FARS2: variants seen among roughly 807,000 people sequenced by gnomAD.
FARS2 encodes phenylalanyl-tRNA synthetase 2, mitochondrial.
A neutral mutation model predicts 46.4 loss-of-function variants in FARS2; 40 were observed. The observed-to-expected ratio is 0.86, with a 90% CI of 0.67 to 1.12. The LOEUF (loss-of-function observed/expected upper bound fraction) is 1.12, where lower values mean the gene tolerates loss of function less well. Among genes scored for constraint, FARS2 ranks in the 50% most tolerant of loss-of-function variants. The pLI is 0.00. For missense variants in FARS2, 513 were observed against 567.9 expected (o/e 0.90, Z 0.98); for synonymous variants, 234 against 214.9 (o/e 1.09, Z -0.78).
At chr6:5,713,881 T>A (rs1332118601) in intron 6 of FARS2, among the ~76,000 whole-genome samples, 1 of 152,230 alleles carries the variant, frequency 6.6e-6, no homozygotes, top group Admixed American at 6.5e-5. Context: ...CTTGCTCTAC[T>A]GTGTTCTCCA....
In FARS2 at chr6:5,474,661, C is replaced by CTATTT. The variant is rs34998565; in HGVS notation, c.904+43490_904+43491insATTTT. On this transcript the variant is annotated intron_variant, in intron 4 of 6. Transcript: ENST00000274680. ...GAAAAGGTACAATAAAAATACAGTA[C>CTATTT]TGTTTTTTTTTTTTTTTTTGAGACA... Among the ~76,000 whole-genome samples the CTATTT allele has an allele frequency of 7.0e-5, 5 of 71,320 alleles. 1 individual carries two copies. The highest frequency in any genetic ancestry group is 9.3e-5 in the Non-Finnish European group (3 of 32,314). The allele number at this position is 71,320 out of a possible 152,430, so 46.8% of individuals were successfully genotyped here.
At chr6:5,599,353 A>G (rs1362990374) in intron 5 of FARS2, among the ~76,000 whole-genome samples, 5 of 128,630 alleles carry the variant, frequency 3.9e-5, no homozygotes, top group Non-Finnish European at 8.6e-5. Context: ...AAGAAATGCT[A>G]TGGAAGATCT....
chr6:5,281,219 T>G (rs889431621), intron 1 of FARS2, among the ~76,000 whole-genome samples: 2 of 152,206 alleles, frequency 1.3e-5, no homozygotes, highest in African/African-American at 4.8e-5. Flanking sequence ...AGATTAAGCC[T>G]TAATAATATA....
At chr6:5,680,664 A>G (rs7739358) in intron 6 of FARS2, among the ~76,000 whole-genome samples, 61,595 of 151,850 alleles carry the variant, frequency 0.41, 13,133 homozygotes, top group East Asian at 0.69. Context: ...ACCCCTGGTC[A>G]ACATTTTGGT....
intron 6 of FARS2, among the ~76,000 whole-genome samples, chr6:5,626,542 T>C (rs903747608): frequency 6.6e-6 from 1 of 152,122 alleles, no homozygotes; most frequent in East Asian, 1.9e-4. Flanking sequence ...CTTAAGCAAC[T>C]CAGCTTTGAG....
chr6:5,716,762 T>G (rs1759515086), intron 6 of FARS2, among the ~76,000 whole-genome samples: 1 of 152,200 alleles, frequency 6.6e-6, no homozygotes, highest in African/African-American at 2.4e-5. Flanking sequence ...CTGGCTTATT[T>G]TGAAGGATAT....
At chr6:5,515,804 G>T (rs921564998) in intron 4 of FARS2, among the ~76,000 whole-genome samples, 1 of 152,080 alleles carries the variant, frequency 6.6e-6, no homozygotes, top group African/African-American at 2.4e-5. Flanking sequence ...TACCTGATAC[G>T]TCTTAAATTT....
At position 5,657,246 on chromosome 6, in the gene FARS2, A is replaced by G. The variant is rs190036422; in HGVS notation, c.1217+43926A>G. On this transcript the variant is annotated intron_variant, in intron 6 of 6. Transcript: ENST00000274680. ...TTATTGTTCAGCTTCCACCCCCCTC[A>G]CAGTTCAGAAGACTGATCCTTGTAT... Among the ~76,000 whole-genome samples, 987 of 152,188 alleles carry G rather than the reference A, an allele frequency of 6.5e-3. 6 individuals carry two copies. Among genetic ancestry groups the G allele is most frequent in the South Asian group, 0.013 (64 of 4,814 alleles).
At chr6:5,377,105 A>G (rs1047738338) in intron 2 of FARS2, among the ~76,000 whole-genome samples, 3 of 152,258 alleles carry the variant, frequency 2.0e-5, no homozygotes, top group African/African-American at 4.8e-5. Context: ...TAGTTTGCAA[A>G]GAATGGTGAA....
chr6:5,473,024 C>T (rs1765890793), intron 4 of FARS2, among the ~76,000 whole-genome samples: 1 of 152,076 alleles, frequency 6.6e-6, no homozygotes, highest in African/African-American at 2.4e-5. Flanking sequence ...GTTTGCAGTC[C>T]ATAGATATGT....
In FARS2 at chr6:5,398,984, T is replaced by G. The variant is rs1469082114; in HGVS notation, c.613-5558T>G. Among the ~76,000 whole-genome samples the G allele has an allele frequency of 2.0e-5, 3 of 152,066 alleles. No individual in the cohort carries two copies. The East Asian group carries it at 5.8e-4, about 29-fold the overall frequency. ...TTTTCATCTTATTTAGTTAAAATAC[T>G]GTTTTTGAAAGTTATTTTGGTTAAT... is the stretch of plus-strand genomic sequence containing the variant. On this transcript the variant is annotated intron_variant, in intron 2 of 6. Coordinates refer to ENST00000274680, the MANE Select transcript of FARS2 (RefSeq NM_006567.5).
intron 6 of FARS2, among the ~76,000 whole-genome samples, chr6:5,690,798 A>T (rs1003022716): frequency 5.3e-5 from 8 of 152,202 alleles, no homozygotes; most frequent in Non-Finnish European, 1.0e-4. Context: ...AGTGTTTTCC[A>T]ACTTGGTTCC....
intron 4 of FARS2, among the ~76,000 whole-genome samples, chr6:5,517,237 T>C (rs1768860746): frequency 6.6e-6 from 1 of 152,216 alleles, no homozygotes; most frequent in South Asian, 2.1e-4. Context: ...AGAGCTACGT[T>C]GTCCATAGCC....
At position 5,432,314 on chromosome 6, in the gene FARS2, T is replaced by TA. The variant is rs775731412; in HGVS notation, c.904+1156dup. Among the ~76,000 whole-genome samples the TA allele has an allele frequency of 1.7e-4, 17 of 97,446 alleles. 1 individual carries two copies. The East Asian group carries it at 3.2e-3, about 18-fold the overall frequency. 63.9% of individuals were successfully genotyped at this position (97,446 alleles called of 152,430 possible). ...TGGGCGAAAGAGCAACACTCAGTCT[T>TA]AAAAAAAAAAAAAATATATATATAT... On this transcript the variant is annotated intron_variant, in intron 4 of 6. Transcript: ENST00000274680.
At chr6:5,333,283 A>G (rs1373989643) in intron 1 of FARS2, among the ~76,000 whole-genome samples, 1 of 152,176 alleles carries the variant, frequency 6.6e-6, no homozygotes. Flanking sequence ...TACCTATCCC[A>G]TTTCATCTGA....
intron 5 of FARS2, among the ~76,000 whole-genome samples, chr6:5,603,420 C>T (rs560532659): frequency 3.3e-5 from 5 of 152,274 alleles, no homozygotes; most frequent in South Asian, 2.1e-4. Context: ...AAACAAAGGG[C>T]GGGTATGTTA....
rs869067569 is a variant in FARS2, at chr6:5,341,188, GATATAT to G, written c.-21-27319_-21-27314del. Among the ~76,000 whole-genome samples, 198 of 34,090 alleles carry G rather than the reference GATATAT, an allele frequency of 5.8e-3. 3 individuals carry two copies. Among genetic ancestry groups the G allele is most frequent in the Non-Finnish European group, 7.3e-3 (136 of 18,702 alleles). 22.4% of individuals were successfully genotyped at this position (34,090 alleles called of 152,430 possible). A position where few individuals can be genotyped will look rare whatever the true frequency, so the allele number is the denominator to read the frequency against. The stretch of plus-strand genomic sequence containing the variant: ...TTTGCCTGCTCTGTGGCCATGGGGA[GATATAT>G]ATATATATATATATATATATATATA... On this transcript the variant is annotated intron_variant, in intron 1 of 6. Transcript: ENST00000274680.
intron 4 of FARS2, 33 bp from the exon 5 acceptor site, chr6:5,545,147 T>G (rs764824382): frequency 6.2e-7 from 1 of 1,611,104 alleles, no homozygotes; most frequent in South Asian, 1.1e-5. Flanking sequence ...CTCGATACTT[T>G]TTAAAAACAA....
In FARS2 at chr6:5,342,355, T is replaced by C. The variant is rs372350433; in HGVS notation, c.-21-26195T>C. ...TTGAAGACTGTGGTGCATTTATTTA[T>C]ATTAGTTTCTAAAAATGAACAGAAA... On this transcript the variant is annotated intron_variant, in intron 1 of 6. Transcript: ENST00000274680. Among the ~76,000 whole-genome samples, 57 of 152,350 alleles carry C rather than the reference T, an allele frequency of 3.7e-4. No homozygotes were observed. The South Asian group carries it at 9.3e-3, about 25-fold the overall frequency.
Sources: gnomAD v4.1 joint callset for allele counts (sites outside exome capture counted in the v4.1 genomes callset) on GRCh38, gnomAD v4.1.1 for gene constraint, MANE v1.5 for transcripts, NCBI Gene and HGNC (gene_info 2026-07-23, HGNC 2026-07-21) for gene names.